PIP4P2: variants seen among roughly 807,000 people sequenced by gnomAD.
PIP4P2 encodes type 2 phosphatidylinositol 4,5-bisphosphate 4-phosphatase.
Under a neutral mutation model 33.3 loss-of-function variants are expected in PIP4P2, and 19 were observed. That is an observed-to-expected ratio of 0.57 (90% CI 0.40 to 0.84). The LOEUF (loss-of-function observed/expected upper bound fraction) is 0.84, where lower values mean the gene tolerates loss of function less well. Among genes scored for constraint, PIP4P2 ranks in the 40% least tolerant of loss-of-function variants. The pLI, the probability that PIP4P2 is intolerant of heterozygous loss-of-function variation, is 0.00. For missense variants in PIP4P2, 270 were observed against 324.7 expected, an observed-to-expected ratio of 0.83 and a Z score of 1.29; for synonymous variants, 110 against 111.9, an observed-to-expected ratio of 0.98 and a Z score of 0.11.
At chr8:91,014,608 A>G (rs1231111869) in intron 4 of PIP4P2, among the ~76,000 whole-genome samples, 5 of 152,098 alleles carry the variant, frequency 3.3e-5, no homozygotes, top group Non-Finnish European at 7.4e-5. Flanking sequence ...AGGAAAGGGG[A>G]GATTTTAGTC....
At chr8:91,027,979 G>A (rs1384372622) in intron 1 of PIP4P2, among the ~76,000 whole-genome samples, 1 of 152,192 alleles carries the variant, frequency 6.6e-6, no homozygotes, top group Non-Finnish European at 1.5e-5. Context: ...AGACATTACA[G>A]TATGAGATGA....
At position 91,006,733 on chromosome 8, in the gene PIP4P2, C is replaced by T. The variant is rs572531291; in HGVS notation, c.539+2010G>A. 9.2e-5 allele frequency among the ~76,000 whole-genome samples: 14 copies of T among 152,310 alleles called. 1 individual carries two copies. The South Asian group carries it at 2.9e-3, about 32-fold the overall frequency. On this transcript the variant is annotated intron_variant, in intron 5 of 6. Coordinates refer to ENST00000285419, the MANE Select transcript of PIP4P2 (RefSeq NM_018710.3). ...CCTGTATTCTCAGCACTTTGGGAGG[C>T]TGAGACGGGTGAATCACCCGAGGTC... is the stretch of plus-strand genomic sequence containing the variant.
At chr8:91,037,641 C>T (rs1812249979) in intron 1 of PIP4P2, among the ~76,000 whole-genome samples, 1 of 152,158 alleles carries the variant, frequency 6.6e-6, no homozygotes, top group African/African-American at 2.4e-5. Context: ...GGCTGGTACT[C>T]AAATATTTAT....
At chr8:91,038,930 A>G (rs1261266485) in intron 1 of PIP4P2, among the ~76,000 whole-genome samples, 1 of 152,182 alleles carries the variant, frequency 6.6e-6, no homozygotes, top group African/African-American at 2.4e-5. Context: ...ACTTTTTCTC[A>G]GTGGCTGAAC....
intron 5 of PIP4P2, among the ~76,000 whole-genome samples, chr8:91,004,497 A>G (rs945108277): frequency 6.6e-6 from 1 of 152,152 alleles, no homozygotes; most frequent in Non-Finnish European, 1.5e-5. Flanking sequence ...CCTAAAATTA[A>G]TCAGCACACC....
At chr8:91,036,205 G>A (rs930327813) in intron 1 of PIP4P2, among the ~76,000 whole-genome samples, 37 of 151,704 alleles carry the variant, frequency 2.4e-4, no homozygotes, top group African/African-American at 7.8e-4. Flanking sequence ...CCCAGGCCCC[G>A]TTTCTTAGTC....
At position 91,009,299 on chromosome 8, in the gene PIP4P2, C is replaced by A. The variant is rs899384091; in HGVS notation, c.487-504G>T. ...TTCTGTCATTGCTTATACAATATAACAAAAACACACTGCTTAGTACAATTT... is the reference window on the plus strand; with the variant it reads ...TTCTGTCATTGCTTATACAATATAAAAAAAACACACTGCTTAGTACAATTT... On this transcript the variant is annotated intron_variant, in intron 4 of 6. Coordinates refer to ENST00000285419, the MANE Select transcript of PIP4P2 (RefSeq NM_018710.3). Among the ~76,000 whole-genome samples, 3 of 151,976 alleles carry A rather than the reference C, an allele frequency of 2.0e-5. No homozygotes were observed. The East Asian group carries it at 5.8e-4, about 29-fold the overall frequency.
At chr8:91,032,224 T>G (rs1379943111) in intron 1 of PIP4P2, among the ~76,000 whole-genome samples, 2 of 152,188 alleles carry the variant, frequency 1.3e-5, no homozygotes, top group Non-Finnish European at 2.9e-5. Flanking sequence ...GGAACCATGC[T>G]TTTTGCTTTT....
intron 5 of PIP4P2, among the ~76,000 whole-genome samples, chr8:90,999,207 A>AAT (rs1245616169): frequency 3.3e-5 from 5 of 152,164 alleles, no homozygotes; most frequent in African/African-American, 1.2e-4. Context: ...TAAAAACCAC[A>AAT]ATGAGATACC....
chr8:91,002,946 A>T (rs1424531502), intron 5 of PIP4P2, among the ~76,000 whole-genome samples: 1 of 152,182 alleles, frequency 6.6e-6, no homozygotes, highest in African/African-American at 2.4e-5. Flanking sequence ...AAACAAAGAT[A>T]TCCCTAGAAA....
intron 4 of PIP4P2, among the ~76,000 whole-genome samples, chr8:91,009,129 T>C (rs1811799214): frequency 6.6e-6 from 1 of 152,156 alleles, no homozygotes; most frequent in Non-Finnish European, 1.5e-5. Flanking sequence ...TCATATACCA[T>C]CAAAGTTATT....
intron 1 of PIP4P2, among the ~76,000 whole-genome samples, chr8:91,024,976 C>T (rs1812063108): frequency 6.6e-6 from 1 of 152,126 alleles, no homozygotes; most frequent in African/African-American, 2.4e-5. Flanking sequence ...TTATACACAA[C>T]TTCAGCAAAG....
At chr8:90,996,139 A>G (rs1811625572) in intron 6 of PIP4P2, among the ~76,000 whole-genome samples, 1 of 152,160 alleles carries the variant, frequency 6.6e-6, no homozygotes, top group South Asian at 2.1e-4. Context: ...TTGTACTGAC[A>G]AACAAAGGAG....
chr8:90,996,388 G>T (rs1811629584), intron 6 of PIP4P2, among the ~76,000 whole-genome samples: 2 of 151,656 alleles, frequency 1.3e-5, no homozygotes, highest in Non-Finnish European at 2.9e-5. Context: ...TTTTTTAAAT[G>T]GGCTTTTGCT....
At chr8:91,016,195 G>GTTT (rs2130365129) in intron 4 of PIP4P2, among the ~76,000 whole-genome samples, 1 of 152,084 alleles carries the variant, frequency 6.6e-6, no homozygotes, top group South Asian at 2.1e-4. Context: ...GACAAACAAA[G>GTTT]GCTCCTAGAA....
chr8:91,040,418 T>TCACCACCACCATCAC, intron 1 of PIP4P2, among the ~76,000 whole-genome samples: 1 of 131,498 alleles, frequency 7.6e-6, no homozygotes, highest in Non-Finnish European at 1.6e-5. Flanking sequence ...ACCACCACCA[T>TCACCACCACCATCAC]CACCACCACC....
intron 1 of PIP4P2, among the ~76,000 whole-genome samples, chr8:91,026,404 CAG>C (rs1586184299): frequency 6.6e-6 from 1 of 152,226 alleles, no homozygotes; most frequent in East Asian, 1.9e-4. Flanking sequence ...GGAAGGAGTT[CAG>C]AGAGTTTCTC....
chr8:91,000,135 GATAAAT>G (rs562104620), intron 5 of PIP4P2, among the ~76,000 whole-genome samples: 90 of 152,004 alleles, frequency 5.9e-4, no homozygotes, highest in Middle Eastern at 6.9e-3. Context: ...CCATCTTCCT[GATAAAT>G]ATAAAGATTT....
At position 91,020,237 on chromosome 8, in the gene PIP4P2, C is replaced by T; in HGVS notation, c.282G>A (p.Lys94=). The change falls in exon 3 of 7, where the codon AAG becomes AAA. Residue 94 remains lysine, a synonymous_variant. Transcript: ENST00000285419. ...AATTACAAGGGCATCTAACATATTT[C>T]TTGCCTGTTGGGGGGTTTTTGATTG... ...ATPIKNPPTG[K]KYVRCPCNCL... is the part of the protein sequence containing the mutation. 1 of 1,613,718 alleles carries T rather than the reference C, an allele frequency of 6.2e-7. No individual in the cohort carries two copies.
Sources: gnomAD v4.1 joint callset for allele counts (sites outside exome capture counted in the v4.1 genomes callset) on GRCh38, gnomAD v4.1.1 for gene constraint, MANE v1.5 for transcripts, NCBI Gene and HGNC (gene_info 2026-07-23, HGNC 2026-07-21) for gene names.